Variants in SLC37A2 observed in about 807,000 individuals in gnomAD.
SLC37A2 encodes the protein glucose-6-phosphate exchanger SLC37A2.
In SLC37A2, 59 loss-of-function variants were observed where a neutral mutation model predicts 70.7. The observed-to-expected ratio is 0.83, with a 90% CI of 0.68 to 1.04. SLC37A2 has a LOEUF of 1.04. Among genes scored for constraint, SLC37A2 ranks in the 50% least tolerant of loss-of-function variants. The pLI is 0.00. For synonymous variants in SLC37A2, 257 were observed against 262.1 expected (o/e 0.98, Z 0.19); for missense variants, 580 against 658.1 (o/e 0.88, Z 1.30).
At chr11:125,064,930 A>G (rs1042639787) in intron 1 of SLC37A2, among the ~76,000 whole-genome samples, 3 of 152,238 alleles carry the variant, frequency 2.0e-5, no homozygotes, top group African/African-American at 7.2e-5. Flanking sequence ...AAAAATGGTT[A>G]GAATGGCAAA....
Position 125,083,922 on chromosome 11 carries a change from T to C in SLC37A2, c.1039+45T>C. The stretch of plus-strand genomic sequence containing the variant: ...TGCCAGCAGGCTCCCTTCCCCTCTT[T>C]TCTTGTGGGGTGCAGGAAGAAGGGA... On this transcript the variant is annotated intron_variant, in intron 11 of 17. Transcript: ENST00000403796. The surrounding 1 kb of genome is among the most constrained non-coding windows in gnomAD (Gnocchi z 4.6). 6.3e-7 allele frequency: 1 copy of C among 1,584,166 alleles called. No individual in the cohort carries two copies. Among genetic ancestry groups the C allele is most frequent in the Non-Finnish European group, 8.7e-7 (1 of 1,152,912 alleles).
At chr11:125,079,009 C>T in intron 4 of SLC37A2, 103 bp from the exon 5 acceptor site, 1 of 1,497,924 alleles carries the variant, frequency 6.7e-7, no homozygotes, top group Non-Finnish European at 9.2e-7. Flanking sequence ...TTGGTGGGAC[C>T]TTGGCCAGAG....
intron 1 of SLC37A2, among the ~76,000 whole-genome samples, chr11:125,065,979 A>G (rs1436279439): frequency 6.6e-6 from 1 of 152,250 alleles, no homozygotes; most frequent in Non-Finnish European, 1.5e-5. Context: ...ATAGAACACT[A>G]TATCAACATC....
At position 125,077,247 on chromosome 11, in the gene SLC37A2, C is replaced by A; in HGVS notation, c.159C>A (p.Asn53Lys). 1 of 1,599,488 alleles carries A rather than the reference C, an allele frequency of 6.3e-7. No homozygotes were observed. The highest frequency in any genetic ancestry group is 1.7e-5 in the Admixed American group (1 of 58,250). Residue 53 changes from asparagine (N) to lysine (K), a missense_variant, in exon 3 of 18, where the codon AAC becomes AAA. By Grantham distance (94) the Asn-to-Lys change is moderately conservative. Transcript: ENST00000403796. The part of the protein sequence containing the change: ...ISIVKSRLHQ[N>K]CSEQIKPIND... The stretch of plus-strand genomic sequence containing the variant: ...CTATCCAGAGCCGTCTGCACCAGAA[C>A]TGCTCGGAGCAGATCAAACCCATCA...
rs34364863 is a variant in SLC37A2, at chr11:125,086,340, CTT to C, written c.1490+326_1490+327del. 5.6e-6 allele frequency: 6 copies of C among 1,070,094 alleles called. No homozygotes were observed. In the African/African-American group the frequency reaches 9.3e-5, roughly 17 times the overall value. The allele number at this position is 1,070,094 out of a possible 1,614,324, so 66.3% of individuals were successfully genotyped here. On this transcript the variant is annotated intron_variant, in intron 17 of 17. Coordinates refer to ENST00000403796, the MANE Select transcript of SLC37A2 (RefSeq NM_001145290.2). The stretch of plus-strand genomic sequence containing the variant: ...GCAAATCCTCTGTCCTGCAGTATGA[CTT>C]TTTCCAACTTTCTCTTTCTTCTTGT...
In SLC37A2 at chr11:125,080,026, A is replaced by C. The variant is rs1949130018; in HGVS notation, c.527+266A>C. Among the ~76,000 whole-genome samples the C allele has an allele frequency of 6.6e-6, 1 of 152,124 alleles. No individual in the cohort carries two copies. The highest frequency in any genetic ancestry group is 2.1e-4 in the South Asian group (1 of 4,820). The stretch of plus-strand genomic sequence containing the variant: ...ACGAAGACAAAAAGAAGCCTATAAA[A>C]CTTCCGCCCTGCCCCCCAACCCCGA... On this transcript the variant is annotated intron_variant, in intron 6 of 17. Transcript: ENST00000403796. The surrounding 1 kb of genome is among the most constrained non-coding windows in gnomAD (Gnocchi z 4.3).
intron 15 of SLC37A2, 34 bp downstream of exon 15, chr11:125,085,507 C>G (rs767976776): frequency 3.0e-5 from 48 of 1,613,602 alleles, no homozygotes; most frequent in Non-Finnish European, 3.9e-5. Flanking sequence ...GGGCCGGCCC[C>G]TAGGCATAGT....
chr11:125,066,637 TG>T (rs2099636241), intron 1 of SLC37A2, among the ~76,000 whole-genome samples: 1 of 152,162 alleles, frequency 6.6e-6, no homozygotes, highest in South Asian at 2.1e-4. Context: ...AACAAAAAGA[TG>T]TTAATCCAAA....
intron 4 of SLC37A2, 98 bp from the exon 5 acceptor site, chr11:125,079,014 C>A: frequency 1.3e-6 from 2 of 1,528,368 alleles, no homozygotes; most frequent in Non-Finnish European, 1.8e-6. Flanking sequence ...GGGACCTTGG[C>A]CAGAGCCACT....
intron 1 of SLC37A2, among the ~76,000 whole-genome samples, chr11:125,075,155 C>T (rs914476062): frequency 6.6e-6 from 1 of 152,212 alleles, no homozygotes; most frequent in Non-Finnish European, 1.5e-5. Context: ...TCTCCCTGAA[C>T]CAGGTGCGTC....
At chr11:125,084,764 C>G in intron 12 of SLC37A2, 61 bp from the exon 13 acceptor site, 1 of 1,570,216 alleles carries the variant, frequency 6.4e-7, no homozygotes, top group Non-Finnish European at 8.7e-7. Flanking sequence ...TTGCAGACCT[C>G]AGGGCTCCAG....
chr11:125,086,045 C>G, intron 17 of SLC37A2, 27 bp downstream of exon 17: 1 of 1,604,052 alleles, frequency 6.2e-7, no homozygotes, highest in Non-Finnish European at 8.5e-7. Flanking sequence ...GAAGCTGCCC[C>G]TCTACCAACC....
At chr11:125,066,622 T>C (rs146157479) in intron 1 of SLC37A2, among the ~76,000 whole-genome samples, 4,293 of 152,234 alleles carry the variant, frequency 0.028, 197 homozygotes, top group African/African-American at 0.098. Context: ...TTCTGTGGTG[T>C]GCAAAACAAA....
intron 1 of SLC37A2, among the ~76,000 whole-genome samples, chr11:125,065,746 G>A (rs1185064488): frequency 6.6e-6 from 1 of 151,218 alleles, no homozygotes. Context: ...TTCTAATTAT[G>A]TACTGGTAAA....
intron 1 of SLC37A2, among the ~76,000 whole-genome samples, chr11:125,065,511 C>T (rs1214362451): frequency 6.6e-6 from 1 of 152,210 alleles, no homozygotes; most frequent in East Asian, 1.9e-4. Flanking sequence ...TTCCTCTTCT[C>T]AGGGTCCCCA....
At chr11:125,082,382 C>CT in intron 10 of SLC37A2, 48 bp downstream of exon 10, 1 of 1,561,690 alleles carries the variant, frequency 6.4e-7, no homozygotes, top group Non-Finnish European at 8.8e-7. Flanking sequence ...GAGGCCAAGG[C>CT]TGCCTCTGGT....
rs1949154756 is a variant in SLC37A2 at position 125,081,865 on chromosome 11, G to C, written c.844G>C (p.Glu282Gln). 1 of 1,613,808 alleles carries C rather than the reference G, an allele frequency of 6.2e-7. No individual in the cohort carries two copies. Among genetic ancestry groups the C allele is most frequent in the Non-Finnish European group, 8.5e-7 (1 of 1,179,796 alleles). ...CAAATGCTCCAAGGGGCCATGCGAA[G>C]AGCCTGCTGCCATCAGCTTCTTTGG... ...VAKCSKGPCE[E>Q]PAAISFFGAL... Residue 282 changes from glutamate (E) to glutamine (Q), a missense_variant, in exon 9 of 18, where the codon GAG becomes CAG. By Grantham distance (29) the Glu-to-Gln change is conservative (BLOSUM62 2). Transcript: ENST00000403796.
At chr11:125,082,684 G>A (rs1460769700) in intron 10 of SLC37A2, among the ~76,000 whole-genome samples, 3 of 152,096 alleles carry the variant, frequency 2.0e-5, no homozygotes, top group Non-Finnish European at 2.9e-5. Context: ...TAGCATTGGA[G>A]GTGCTAGGGA....
Position 125,085,061 on chromosome 11 carries a change from C to T in SLC37A2, c.1175-5C>T, listed in dbSNP as rs1158961936. 1.9e-6 allele frequency: 3 copies of T among 1,613,886 alleles called. No individual in the cohort carries two copies. Among genetic ancestry groups the T allele is most frequent in the Admixed American group, 3.3e-5 (2 of 60,006 alleles). ...CTCTGACTGGCTGTCTCTATGCTGT[C>T]CCAGTGATGCTGATCATCTGTGGGG... On this transcript the variant is annotated splice_polypyrimidine_tract_variant and splice_region_variant and intron_variant, in intron 13 of 17. Coordinates refer to ENST00000403796, the MANE Select transcript of SLC37A2 (RefSeq NM_001145290.2).
Sources: allele counts gnomAD v4.1 joint callset (sites outside exome capture counted in the v4.1 genomes callset), GRCh38; gene constraint gnomAD v4.1.1; non-coding constraint Gnocchi (gnomAD v3.1); transcripts MANE v1.5; gene names NCBI Gene and HGNC (gene_info 2026-07-23, HGNC 2026-07-21).